DMD: variants seen among roughly 807,000 people sequenced by gnomAD.
DMD encodes dystrophin.
A neutral mutation model predicts 330.1 loss-of-function variants in DMD; 63 were observed. That is an observed-to-expected ratio of 0.19 (90% CI 0.16 to 0.24). The LOEUF (loss-of-function observed/expected upper bound fraction) is 0.24, where lower values mean the gene tolerates loss of function less well. DMD is among the 10% of genes least tolerant of loss of function. The pLI, the probability that DMD is intolerant of heterozygous loss-of-function variation, is 1.00. For missense variants in DMD, 3,344 were observed against 2,684.1 expected, an observed-to-expected ratio of 1.25 and a Z score of -5.43; for synonymous variants, 1,223 against 959.8, an observed-to-expected ratio of 1.27 and a Z score of -5.07.
intron 74 of DMD, among the ~76,000 whole-genome samples, chrX:31,153,062 AT>A (rs1434681955): frequency 4.5e-5 from 5 of 111,776 alleles, no homozygotes; most frequent in Non-Finnish European, 9.4e-5. Context: ...TCTCCCAGCC[AT>A]ACCCAGGGGC....
chrX:32,968,040 G>A (rs2092233669), intron 2 of DMD, among the ~76,000 whole-genome samples: 1 of 111,741 alleles, frequency 8.9e-6, no homozygotes, highest in African/African-American at 3.3e-5. Flanking sequence ...TTTCTTGAGA[G>A]CAAGAATTGG....
At chrX:32,223,010 A>C (rs141433291) in intron 43 of DMD, among the ~76,000 whole-genome samples, 87 of 112,240 alleles carry the variant, frequency 7.8e-4, no homozygotes, top group Non-Finnish European at 1.4e-3. Context: ...AACTTCCAGC[A>C]GCCAAATGGA....
At chrX:31,763,220 T>C (rs892470287) in intron 51 of DMD, among the ~76,000 whole-genome samples, 1 of 112,295 alleles carries the variant, frequency 8.9e-6, no homozygotes, top group South Asian at 3.6e-4. Context: ...AGAAAATATA[T>C]AGTTAAAGGA....
intron 44 of DMD, among the ~76,000 whole-genome samples, chrX:32,010,093 T>A (rs1190296107): frequency 8.9e-6 from 1 of 111,934 alleles, no homozygotes. Context: ...TTTTCAGTGC[T>A]GTAATTCCAG....
rs762551529 is a variant in DMD at position 31,773,724 on chromosome X, CTTTTTTT to C, written c.7542+229_7542+235del. Among the ~76,000 whole-genome samples, 128 of 53,551 alleles carry C rather than the reference CTTTTTTT, an allele frequency of 2.4e-3. 1 individual carries two copies. The highest frequency in any genetic ancestry group is 9.6e-3 in the African/African-American group (126 of 13,138). 46.5% of individuals were successfully genotyped at this position (53,551 alleles called of 115,157 possible). A position where few individuals can be genotyped will look rare whatever the true frequency, so the allele number is the denominator to read the frequency against. ...GACAACTATTCTTGTAAGGTTTCTGCTTTTTTTTTTTTTTTTTTTTGTATATTTCCTT... is the reference window on the plus strand; with the variant it reads ...GACAACTATTCTTGTAAGGTTTCTGCTTTTTTTTTTTTTGTATATTTCCTT... On this transcript the variant is annotated intron_variant, in intron 51 of 78. Coordinates refer to ENST00000357033, the MANE Select transcript of DMD (RefSeq NM_004006.3).
At chrX:32,363,085 T>C in intron 36 of DMD, 127 bp from the exon 37 acceptor site, 1 of 661,125 alleles carries the variant, frequency 1.5e-6, no homozygotes. Context: ...AGAGAGAAAG[T>C]AAGAAAATGA....
chrX:32,927,164 A>G (rs186708144), intron 2 of DMD, among the ~76,000 whole-genome samples: 1 of 111,321 alleles, frequency 9.0e-6, no homozygotes, highest in African/African-American at 3.3e-5. Context: ...AAAAGTTTCC[A>G]TCTTATCTAG....
chrX:31,477,781 C>T (rs986797459), intron 59 of DMD, among the ~76,000 whole-genome samples: 1 of 82,019 alleles, frequency 1.2e-5, no homozygotes, highest in African/African-American at 4.7e-5. Context: ...CTAAGTAACA[C>T]AAGCAATACA....
At chrX:32,743,465 T>C (rs1488071155) in intron 7 of DMD, among the ~76,000 whole-genome samples, 1 of 111,297 alleles carries the variant, frequency 9.0e-6, no homozygotes, top group African/African-American at 3.3e-5. Context: ...ATTATTTTAT[T>C]ATCATTATTA....
intron 1 of DMD, among the ~76,000 whole-genome samples, chrX:33,200,925 C>CTTTTTTTTTTTTTTTT (rs10678250): frequency 1.9e-5 from 1 of 52,808 alleles, no homozygotes; most frequent in Non-Finnish European, 3.0e-5. Flanking sequence ...AATCAATAGA[C>CTTTTTTTTTTTTTTTT]TTTTTTTTTT....
chrX:33,084,263 T>C lies in DMD; in HGVS notation c.32-64063A>G, dbSNP rs918256727. On this transcript the variant is annotated intron_variant, in intron 1 of 78. Coordinates refer to ENST00000357033, the MANE Select transcript of DMD (RefSeq NM_004006.3). ...AGGTAGCCACAGGGGCAATCCTGGG[T>C]GAGCCCCCAAATTTGTAACCACCCA... 2.7e-5 allele frequency among the ~76,000 whole-genome samples: 3 copies of C among 111,723 alleles called. No homozygotes were observed. In the East Asian group the frequency reaches 8.5e-4, roughly 32 times the overall value.
chrX:32,826,722 T>G (rs2078722473), intron 4 of DMD, among the ~76,000 whole-genome samples: 1 of 111,171 alleles, frequency 9.0e-6, no homozygotes, highest in South Asian at 3.8e-4. Flanking sequence ...AGGCAGATGT[T>G]GGTCAAATGA....
At chrX:33,290,942 G>A (rs1311308461) in intron 1 of DMD, among the ~76,000 whole-genome samples, 1 of 111,063 alleles carries the variant, frequency 9.0e-6, no homozygotes, top group African/African-American at 3.3e-5. Flanking sequence ...CACCAATTAT[G>A]AGACACAACA....
intron 52 of DMD, among the ~76,000 whole-genome samples, chrX:31,686,226 C>T (rs916930447): frequency 1.4e-4 from 16 of 112,281 alleles, no homozygotes; most frequent in Admixed American, 1.9e-4. Context: ...TTTGGAATAC[C>T]TTCAATAAAT....
At chrX:32,078,343 G>A (rs187398371) in intron 44 of DMD, among the ~76,000 whole-genome samples, 11 of 111,712 alleles carry the variant, frequency 9.8e-5, no homozygotes, top group Non-Finnish European at 5.6e-5. Context: ...AATCGTCCTT[G>A]TCCAAGCCAC....
At chrX:32,307,991 A>C (rs942820920) in intron 42 of DMD, among the ~76,000 whole-genome samples, 2 of 110,429 alleles carry the variant, frequency 1.8e-5, no homozygotes, top group Non-Finnish European at 3.8e-5. Flanking sequence ...GTAAGAAAGA[A>C]AATATTACTT....
At chrX:32,651,186 A>C (rs891975445) in intron 9 of DMD, among the ~76,000 whole-genome samples, 2 of 110,008 alleles carry the variant, frequency 1.8e-5, no homozygotes, top group East Asian at 5.7e-4. Context: ...CTTCCTGCCC[A>C]GGCTGGAGTG....
intron 9 of DMD, among the ~76,000 whole-genome samples, chrX:32,692,843 A>G (rs2063379017): frequency 8.9e-6 from 1 of 112,069 alleles, no homozygotes; most frequent in African/African-American, 3.2e-5. Context: ...TGATGTATCT[A>G]AAGTAGTAAT....
In DMD at chrX:33,294,360, T is replaced by A. The variant is rs1042677299; in HGVS notation, c.7+44899A>T. The stretch of plus-strand genomic sequence containing the variant: ...CACTACCATTTCAGAAGTGTTTCTC[T>A]CCAAAATGTTCATGTTTATATTTCG... On this transcript the variant is annotated intron_variant, in intron 1 of 17. Transcript: ENST00000288447. 3.6e-5 allele frequency among the ~76,000 whole-genome samples: 4 copies of A among 111,321 alleles called. No individual in the cohort carries two copies. The Admixed American group carries it at 3.9e-4, about 11-fold the overall frequency.
Sources: allele counts gnomAD v4.1 joint callset (sites outside exome capture counted in the v4.1 genomes callset), GRCh38; gene constraint gnomAD v4.1.1; transcripts MANE v1.5; gene names NCBI Gene and HGNC (gene_info 2026-07-23, HGNC 2026-07-21).